Variants in NALF1 observed in about 807,000 individuals in gnomAD.
NALF1 encodes the protein family with sequence similarity 155 member A.
In NALF1, 3 loss-of-function variants were observed where a neutral mutation model predicts 48.4. The observed-to-expected ratio is 0.06, with a 90% CI of 0.03 to 0.16. The LOEUF is 0.16. NALF1 is among the 10% of genes least tolerant of loss of function. The pLI is 1.00. For missense variants in NALF1, 526 were observed against 571.5 expected (o/e 0.92, Z 0.81); for synonymous variants, 262 against 245.7 (o/e 1.07, Z -0.62).
At chr13:107,670,278 A>T (rs146112796) in intron 1 of NALF1, among the ~76,000 whole-genome samples, 254 of 152,142 alleles carry the variant, frequency 1.7e-3, no homozygotes, top group Non-Finnish European at 2.8e-3. Flanking sequence ...TTTTATATAC[A>T]CTACGTATAC....
intron 1 of NALF1, among the ~76,000 whole-genome samples, chr13:107,437,035 C>T (rs1884474165): frequency 6.6e-6 from 1 of 151,780 alleles, no homozygotes; most frequent in Non-Finnish European, 1.5e-5. Context: ...ACTTCTACAA[C>T]CCAATCATAT....
At chr13:107,670,632 T>G (rs1235139392) in intron 1 of NALF1, among the ~76,000 whole-genome samples, 4 of 152,124 alleles carry the variant, frequency 2.6e-5, no homozygotes, top group African/African-American at 9.7e-5. Context: ...CACGTATAAT[T>G]TCTTACCAGC....
chr13:107,190,660 TAAG>T (rs1169234462), intron 2 of NALF1, among the ~76,000 whole-genome samples: 2 of 152,158 alleles, frequency 1.3e-5, no homozygotes, highest in Non-Finnish European at 2.9e-5. Context: ...ATAGAACAGA[TAAG>T]AAAATCATTC....
chr13:107,394,654 AT>A (rs1473346466), intron 1 of NALF1, among the ~76,000 whole-genome samples: 4 of 152,342 alleles, frequency 2.6e-5, no homozygotes, highest in African/African-American at 9.6e-5. Context: ...TCTTAACATT[AT>A]TGAAATTTGG....
At chr13:107,581,103 A>C (rs1878293169) in intron 1 of NALF1, among the ~76,000 whole-genome samples, 1 of 152,190 alleles carries the variant, frequency 6.6e-6, no homozygotes, top group Non-Finnish European at 1.5e-5. Context: ...TTAAAAATAG[A>C]GTTACGTCTC....
At chr13:107,478,502 T>C (rs990124322) in intron 1 of NALF1, among the ~76,000 whole-genome samples, 2 of 152,142 alleles carry the variant, frequency 1.3e-5, no homozygotes, top group Non-Finnish European at 2.9e-5. Context: ...TACCAGAGGC[T>C]GTTCTTTGCA....
intron 1 of NALF1, among the ~76,000 whole-genome samples, chr13:107,735,088 G>A (rs921295443): frequency 5.9e-5 from 9 of 152,000 alleles, no homozygotes; most frequent in African/African-American, 1.9e-4. Context: ...AGGAAGCCTC[G>A]TGGGCTGAGA....
At chr13:107,578,307 T>C (rs1358057969) in intron 1 of NALF1, among the ~76,000 whole-genome samples, 1 of 152,214 alleles carries the variant, frequency 6.6e-6, no homozygotes, top group Non-Finnish European at 1.5e-5. Flanking sequence ...ACAATTTTTC[T>C]AAGTGGTTTG....
At chr13:107,483,687 C>G (rs1010005780) in intron 1 of NALF1, among the ~76,000 whole-genome samples, 2 of 151,920 alleles carry the variant, frequency 1.3e-5, no homozygotes, top group African/African-American at 4.8e-5. Context: ...ATAAGATTTA[C>G]AGAGAGAGGA....
At chr13:107,330,855 C>A (rs1380403228) in intron 1 of NALF1, among the ~76,000 whole-genome samples, 3 of 152,160 alleles carry the variant, frequency 2.0e-5, no homozygotes, top group Admixed American at 6.5e-5. Flanking sequence ...TAACAAAATT[C>A]TTTCAAATAC....
chr13:107,851,066 A>G (rs1411568399), intron 1 of NALF1, among the ~76,000 whole-genome samples: 2 of 152,190 alleles, frequency 1.3e-5, no homozygotes, highest in Non-Finnish European at 2.9e-5. Flanking sequence ...TGTGTAGTAA[A>G]GGAAAATATT....
intron 1 of NALF1, among the ~76,000 whole-genome samples, chr13:107,516,249 C>T (rs1055741228): frequency 3.2e-4 from 48 of 152,070 alleles, no homozygotes; most frequent in African/African-American, 1.1e-3. Context: ...GGTCTGAGAA[C>T]GCAGACGTGG....
chr13:107,235,747 A>G (rs1192840141), intron 1 of NALF1, among the ~76,000 whole-genome samples: 1 of 152,180 alleles, frequency 6.6e-6, no homozygotes, highest in African/African-American at 2.4e-5. Context: ...TGCCTGTGTG[A>G]TTCAAAGAAA....
chr13:107,256,160 TAAAAAC>T (rs1357719084), intron 1 of NALF1, among the ~76,000 whole-genome samples: 1 of 152,208 alleles, frequency 6.6e-6, no homozygotes, highest in African/African-American at 2.4e-5. Context: ...TAGATTATAT[TAAAAAC>T]AAAGATAAAT....
At chr13:107,300,963 T>C (rs1881825051) in intron 1 of NALF1, among the ~76,000 whole-genome samples, 1 of 152,242 alleles carries the variant, frequency 6.6e-6, no homozygotes, top group Non-Finnish European at 1.5e-5. Context: ...AAATCTTTCT[T>C]ATGCATTCTT....
chr13:107,330,317 T>C (rs1432236258), intron 1 of NALF1, among the ~76,000 whole-genome samples: 4 of 152,242 alleles, frequency 2.6e-5, no homozygotes, highest in African/African-American at 9.6e-5. Flanking sequence ...CTGAGAAATA[T>C]ATGAGCACAT....
Position 107,697,684 on chromosome 13 carries a change from T to C in NALF1, c.915+167998A>G, listed in dbSNP as rs1175176903. On this transcript the variant is annotated intron_variant, in intron 1 of 2. Coordinates refer to ENST00000375915, the MANE Select transcript of NALF1 (RefSeq NM_001080396.3). ...AAGAAAGAAGGAAAAAAATTCATTT[T>C]TCCCACAATATCTACACACAAATAT... is the stretch of plus-strand genomic sequence containing the variant. 4.0e-5 allele frequency among the ~76,000 whole-genome samples: 6 copies of C among 151,834 alleles called. No homozygotes were observed. The East Asian group carries it at 1.2e-3, about 30-fold the overall frequency.
intron 1 of NALF1, among the ~76,000 whole-genome samples, chr13:107,749,328 G>A (rs985950049): frequency 5.3e-5 from 8 of 152,060 alleles, no homozygotes; most frequent in Admixed American, 1.3e-4. Flanking sequence ...CCGCTGCCAA[G>A]TTCACTTTTA....
Position 107,642,790 on chromosome 13 carries a change from G to A in NALF1, c.915+222892C>T, listed in dbSNP as rs1445719215. Among the ~76,000 whole-genome samples, 7 of 152,278 alleles carry A rather than the reference G, an allele frequency of 4.6e-5. No individual in the cohort carries two copies. The South Asian group carries it at 1.0e-3, about 23-fold the overall frequency. ...ACATAGCTATAGCACATTGTTTATCGTGAACAAATGCCTTAATCATTCTCC... is the reference window on the plus strand; with the variant it reads ...ACATAGCTATAGCACATTGTTTATCATGAACAAATGCCTTAATCATTCTCC... On this transcript the variant is annotated intron_variant, in intron 1 of 2. Transcript: ENST00000375915.
Sources: allele counts gnomAD v4.1 joint callset (sites outside exome capture counted in the v4.1 genomes callset), GRCh38; gene constraint gnomAD v4.1.1; transcripts MANE v1.5; gene names NCBI Gene and HGNC (gene_info 2026-07-23, HGNC 2026-07-21).